The following MAP3K7 variants were observed in gnomAD, a reference collection of about 807,000 sequenced individuals.
MAP3K7 encodes the protein mitogen-activated protein kinase kinase kinase 7.
Under a neutral mutation model 84.8 loss-of-function variants are expected in MAP3K7, and 21 were observed. The observed-to-expected ratio is 0.25, with a 90% CI of 0.18 to 0.36. The LOEUF is 0.36. Ranked by LOEUF, MAP3K7 falls within the 10% of genes least tolerant of loss-of-function variation. The pLI, the probability that MAP3K7 is intolerant of heterozygous loss-of-function variation, is 1.00. For synonymous variants in MAP3K7, 241 were observed against 247.7 expected (o/e 0.97, Z 0.25); for missense variants, 503 against 747.7 (o/e 0.67, Z 3.82).
chr6:90,524,525 C>A (rs1775258253), intron 13 of MAP3K7, among the ~76,000 whole-genome samples: 1 of 152,150 alleles, frequency 6.6e-6, no homozygotes, highest in Admixed American at 6.5e-5. Flanking sequence ...CTTCAAAGTG[C>A]TGAAAAATAA....
At chr6:90,548,256 CT>C in intron 9 of MAP3K7, 79 bp from the exon 10 acceptor site, 1 of 1,176,918 alleles carries the variant, frequency 8.5e-7, no homozygotes, top group Non-Finnish European at 1.2e-6. Context: ...AACTTACATT[CT>C]TTTATAAACT....
intron 5 of MAP3K7, 59 bp downstream of exon 5, chr6:90,560,017 T>A (rs1439702411): frequency 1.3e-6 from 2 of 1,594,798 alleles, no homozygotes; most frequent in African/African-American, 1.3e-5. Flanking sequence ...GGGTTCGGGG[T>A]GGTGAGAGTG....
intron 1 of MAP3K7, among the ~76,000 whole-genome samples, chr6:90,584,289 G>T (rs1211727102): frequency 6.6e-6 from 1 of 152,028 alleles, no homozygotes; most frequent in Non-Finnish European, 1.5e-5. Context: ...GTGTAACACT[G>T]GTTTAATGTA....
At chr6:90,554,185 G>C (rs1776266674) in intron 6 of MAP3K7, among the ~76,000 whole-genome samples, 1 of 152,138 alleles carries the variant, frequency 6.6e-6, no homozygotes. Context: ...GGGATCACAG[G>C]CATGAGCCAT....
intron 13 of MAP3K7, among the ~76,000 whole-genome samples, chr6:90,528,925 T>C (rs1333620353): frequency 2.0e-5 from 3 of 152,202 alleles, no homozygotes; most frequent in African/African-American, 7.2e-5. Flanking sequence ...AATTTTTAAC[T>C]CCATATAAGA....
At chr6:90,582,101 T>C (rs191792886) in intron 1 of MAP3K7, among the ~76,000 whole-genome samples, 80 of 152,310 alleles carry the variant, frequency 5.3e-4, no homozygotes, top group African/African-American at 1.8e-3. Flanking sequence ...ATAGTGTCTT[T>C]TTAGCACTCT....
intron 13 of MAP3K7, among the ~76,000 whole-genome samples, chr6:90,524,288 C>G (rs991934273): frequency 6.6e-6 from 1 of 152,102 alleles, no homozygotes; most frequent in East Asian, 1.9e-4. Context: ...ATTTGTCTCT[C>G]TTGGGTTAGT....
At position 90,553,520 on chromosome 6, in the gene MAP3K7, C is replaced by T. The variant is rs200376548; in HGVS notation, c.674G>A (p.Arg225His). The change falls in exon 7 of 17, where the codon CGT becomes CAT. Residue 225 changes from arginine (R) to histidine (H), a missense_variant. Transcript: ENST00000369329. Reference sequence around the variant, plus strand: ...ACCAATCTCATCAAAGGGTTTCCGACGCGTTATCACTTCCCAAAGAATAAT... The same window carrying T: ...ACCAATCTCATCAAAGGGTTTCCGATGCGTTATCACTTCCCAAAGAATAAT... The part of the protein sequence containing the change: ...WGIILWEVIT[R>H]RKPFDEIGGP... 3 of 1,613,848 alleles carry T rather than the reference C, an allele frequency of 1.9e-6. No individual in the cohort carries two copies. Among genetic ancestry groups the T allele is most frequent in the South Asian group, 1.1e-5 (1 of 91,064 alleles).
chr6:90,556,556 G>C lies in MAP3K7; in HGVS notation c.551C>G (p.Thr184Arg). The C allele has an allele frequency of 6.2e-7, 1 of 1,613,594 alleles. No homozygotes were observed. Among genetic ancestry groups the C allele is most frequent in the Non-Finnish European group, 8.5e-7 (1 of 1,179,776 alleles). The change falls in exon 6 of 17, where the codon ACA becomes AGA. Residue 184 changes from threonine to arginine, a missense_variant. This residue lies in a region of MAP3K7 where 97 missense variants were observed against 270.8 expected (regional missense o/e 0.36). Coordinates refer to ENST00000369329, the MANE Select transcript of MAP3K7 (RefSeq NM_145331.3). ...ACTCCCCTTGTTATTGGTCATGTGTGTCTGAATGTCACAGGCTGTACCAAA... is the reference window on the plus strand; with the variant it reads ...ACTCCCCTTGTTATTGGTCATGTGTCTCTGAATGTCACAGGCTGTACCAAA... The part of the protein sequence containing the change: ...CDFGTACDIQ[T>R]HMTNNKGSAA...
At chr6:90,572,509 G>A (rs1291647231) in intron 1 of MAP3K7, among the ~76,000 whole-genome samples, 1 of 151,648 alleles carries the variant, frequency 6.6e-6, no homozygotes, top group Non-Finnish European at 1.5e-5. Flanking sequence ...GGGTCCGAGG[G>A]TGAAAATTAG....
intron 1 of MAP3K7, 58 bp downstream of exon 1, chr6:90,586,706 G>C (rs1358673441): frequency 1.9e-6 from 3 of 1,543,154 alleles, no homozygotes; most frequent in Non-Finnish European, 2.6e-6. Context: ...GCCGGCACCA[G>C]GCAGAGGCGG....
intron 13 of MAP3K7, among the ~76,000 whole-genome samples, chr6:90,530,842 T>C (rs1290623484): frequency 6.6e-6 from 1 of 152,194 alleles, no homozygotes; most frequent in Non-Finnish European, 1.5e-5. Flanking sequence ...TTACTGCTTG[T>C]AACCAACTAC....
intron 14 of MAP3K7, 126 bp from the exon 15 acceptor site, chr6:90,519,445 A>G (rs1775076817): frequency 3.1e-6 from 2 of 642,624 alleles, no homozygotes; most frequent in Non-Finnish European, 5.4e-6. Context: ...AGTTACAGCT[A>G]TTGGTAATTG....
In MAP3K7 at chr6:90,517,628, T is replaced by C. The variant is rs34522091; in HGVS notation, c.1640+819A>G. Among the ~76,000 whole-genome samples the C allele has an allele frequency of 8.2e-4, 124 of 151,986 alleles. 1 individual carries two copies. Among genetic ancestry groups the C allele is most frequent in the African/African-American group, 2.9e-3 (122 of 41,534 alleles). ...TACTTCTACGATTTCCAAACTGTAG[T>C]ATTTAATTTCCTATTTAGGCTTACC... On this transcript the variant is annotated intron_variant, in intron 16 of 16. Transcript: ENST00000369329.
At chr6:90,548,340 G>T (rs1443176613) in intron 9 of MAP3K7, among the ~76,000 whole-genome samples, 163 bp from the exon 10 acceptor site, 2 of 152,120 alleles carry the variant, frequency 1.3e-5, no homozygotes, top group African/African-American at 4.8e-5. Context: ...CATTTTAAGA[G>T]AAACTTAAGG....
Position 90,536,333 on chromosome 6 carries a change from T to C in MAP3K7, c.1356+4A>G, listed in dbSNP as rs1358484809. The C allele has an allele frequency of 1.9e-6, 3 of 1,608,884 alleles. No homozygotes were observed. Among genetic ancestry groups the C allele is most frequent in the South Asian group, 2.2e-5 (2 of 90,936 alleles). ...AAAGATAGAAAATTTGAATGTTGTC[T>C]TACCTGACCAGGTTCTGTTCCAGTT... On this transcript the variant is annotated splice_donor_region_variant and intron_variant, in intron 13 of 16. Transcript: ENST00000369329.
intron 13 of MAP3K7, among the ~76,000 whole-genome samples, chr6:90,528,753 A>G (rs1775402323): frequency 6.6e-6 from 1 of 152,206 alleles, no homozygotes; most frequent in Non-Finnish European, 1.5e-5. Context: ...TTTGTGTTAC[A>G]AACAATCTAA....
intron 13 of MAP3K7, among the ~76,000 whole-genome samples, chr6:90,526,982 A>G (rs565066123): frequency 6.6e-6 from 1 of 152,182 alleles, no homozygotes; most frequent in African/African-American, 2.4e-5. Flanking sequence ...AAAAAGACAC[A>G]AAAGTCAAAA....
At chr6:90,547,974 A>G in intron 10 of MAP3K7, 73 bp downstream of exon 10, 2 of 1,196,304 alleles carry the variant, frequency 1.7e-6, no homozygotes, top group Non-Finnish European at 2.3e-6. Flanking sequence ...GATGGTAAAT[A>G]ATTAATTTCA....
Sources: allele counts gnomAD v4.1 joint callset (sites outside exome capture counted in the v4.1 genomes callset), GRCh38; gene constraint gnomAD v4.1.1; regional missense constraint gnomAD v4.1.1; transcripts MANE v1.5; gene names NCBI Gene and HGNC (gene_info 2026-07-23, HGNC 2026-07-21).